The following DIAPH2 variants were observed in gnomAD, a reference collection of about 807,000 sequenced individuals.
DIAPH2 encodes diaphanous related formin 2, also known as protein diaphanous homolog 2.
A neutral mutation model predicts 92.7 loss-of-function variants in DIAPH2; 35 were observed. That is an observed-to-expected ratio of 0.38 (90% CI 0.29 to 0.50). The LOEUF (loss-of-function observed/expected upper bound fraction) is 0.50. Among genes scored for constraint, DIAPH2 ranks in the 20% least tolerant of loss-of-function variants. DIAPH2 has a pLI of 0.94. For synonymous variants in DIAPH2, 301 were observed against 280.4 expected (o/e 1.07, Z -0.73); for missense variants, 701 against 819.5 (o/e 0.86, Z 1.77).
chrX:97,162,156 C>T (rs1227441621), intron 22 of DIAPH2, among the ~76,000 whole-genome samples: 1 of 110,399 alleles, frequency 9.1e-6, no homozygotes, highest in African/African-American at 3.3e-5. Flanking sequence ...TTTTTTCTCC[C>T]CACTAATTCT....
chrX:97,114,134 T>G (rs2067001479), intron 20 of DIAPH2, among the ~76,000 whole-genome samples: 1 of 112,164 alleles, frequency 8.9e-6, no homozygotes, highest in South Asian at 3.7e-4. Context: ...ATCATCTAAT[T>G]ACTTAACAGC....
At chrX:96,899,069 C>T (rs919978328) in intron 5 of DIAPH2, among the ~76,000 whole-genome samples, 14 of 110,790 alleles carry the variant, frequency 1.3e-4, no homozygotes, top group Middle Eastern at 9.2e-3. Flanking sequence ...GGGCTCTGTT[C>T]TGTTCCGTTG....
At chrX:97,052,642 A>T (rs997958597) in intron 17 of DIAPH2, among the ~76,000 whole-genome samples, 17 of 111,289 alleles carry the variant, frequency 1.5e-4, no homozygotes, top group Admixed American at 1.2e-3. Context: ...TGCCTTTGGG[A>T]ATGAAGATGA....
chrX:96,977,681 GT>G (rs898928389), intron 17 of DIAPH2, among the ~76,000 whole-genome samples: 4 of 109,444 alleles, frequency 3.7e-5, no homozygotes, highest in African/African-American at 1.0e-4. Flanking sequence ...AAGTTAATTA[GT>G]TTTTTTTCTT....
chrX:97,185,517 A>ATATCTATC (rs1555998285), intron 22 of DIAPH2, among the ~76,000 whole-genome samples: 3 of 43,605 alleles, frequency 6.9e-5, no homozygotes, highest in African/African-American at 2.1e-4. Context: ...ATATATATAT[A>ATATCTATC]TATCTCACTT....
At chrX:97,220,528 A>G (rs1791388971) in intron 22 of DIAPH2, among the ~76,000 whole-genome samples, 1 of 111,845 alleles carries the variant, frequency 8.9e-6, no homozygotes, top group South Asian at 3.8e-4. Context: ...CGCAGATTAC[A>G]GTGGAATGAG....
At chrX:97,264,998 A>G (rs762955290) in intron 23 of DIAPH2, among the ~76,000 whole-genome samples, 3 of 111,185 alleles carry the variant, frequency 2.7e-5, no homozygotes, top group African/African-American at 9.8e-5. Context: ...AACAACAACA[A>G]AAAAAAGACT....
At chrX:97,086,903 C>T (rs2066787425) in intron 19 of DIAPH2, among the ~76,000 whole-genome samples, 1 of 110,117 alleles carries the variant, frequency 9.1e-6, no homozygotes, top group African/African-American at 3.3e-5. Flanking sequence ...TGCAGGTGGG[C>T]GAGCGGGTTG....
chrX:97,415,687 A>T (rs1446002943), intron 25 of DIAPH2, among the ~76,000 whole-genome samples: 1 of 91,420 alleles, frequency 1.1e-5, no homozygotes, highest in Non-Finnish European at 2.1e-5. Flanking sequence ...GGAACATCAC[A>T]CATGGGGGCG....
intron 26 of DIAPH2, among the ~76,000 whole-genome samples, chrX:97,498,258 A>G (rs1409933820): frequency 8.9e-6 from 1 of 111,920 alleles, no homozygotes; most frequent in East Asian, 2.8e-4. Flanking sequence ...TCCTTTCTAT[A>G]TCAGGGTATC....
intron 26 of DIAPH2, among the ~76,000 whole-genome samples, chrX:97,506,471 T>TTC (rs1491104537): frequency 1.1e-3 from 81 of 74,543 alleles, no homozygotes; most frequent in African/African-American, 3.5e-3. Context: ...TTTTTTTTTT[T>TTC]CAGATGGTAA....
chrX:96,714,490 C>T (rs1332730342), intron 1 of DIAPH2, among the ~76,000 whole-genome samples: 1 of 110,833 alleles, frequency 9.0e-6, no homozygotes, highest in East Asian at 2.8e-4. Context: ...TCTCGAACTC[C>T]TGACCTCGGG....
At chrX:96,782,552 G>A (rs1354365368) in intron 4 of DIAPH2, among the ~76,000 whole-genome samples, 2 of 111,389 alleles carry the variant, frequency 1.8e-5, no homozygotes, top group Non-Finnish European at 3.8e-5. Flanking sequence ...GCCCGCCTCG[G>A]CCTCCCAAAG....
At chrX:97,174,469 A>G (rs1429234326) in intron 22 of DIAPH2, among the ~76,000 whole-genome samples, 1 of 111,848 alleles carries the variant, frequency 8.9e-6, no homozygotes, top group Non-Finnish European at 1.9e-5. Context: ...TGTGTGCTTT[A>G]TGACTTTATT....
chrX:97,089,090 C>T (rs953115165), intron 19 of DIAPH2, among the ~76,000 whole-genome samples: 8 of 111,680 alleles, frequency 7.2e-5, no homozygotes. Flanking sequence ...AGAGATTTTC[C>T]GTCAGTGATG....
At chrX:97,127,828 G>A (rs1315523593) in intron 21 of DIAPH2, among the ~76,000 whole-genome samples, 1 of 112,117 alleles carries the variant, frequency 8.9e-6, no homozygotes, top group East Asian at 2.8e-4. Context: ...GCAACATGGC[G>A]AAACCCCATC....
chrX:97,027,268 A>G (rs1357689431), intron 17 of DIAPH2, among the ~76,000 whole-genome samples: 3 of 112,373 alleles, frequency 2.7e-5, no homozygotes, highest in African/African-American at 9.7e-5. Flanking sequence ...TATAAGCTGA[A>G]TATCTAATTC....
At chrX:97,510,377 T>G (rs1207188717) in intron 26 of DIAPH2, among the ~76,000 whole-genome samples, 4 of 111,752 alleles carry the variant, frequency 3.6e-5, no homozygotes, top group East Asian at 2.8e-4. Flanking sequence ...TCTTGTAAAT[T>G]TGTTTGAGTT....
intron 25 of DIAPH2, among the ~76,000 whole-genome samples, chrX:97,390,364 C>T (rs2069647133): frequency 9.3e-6 from 1 of 107,950 alleles, no homozygotes; most frequent in South Asian, 4.2e-4. Flanking sequence ...GGAATATAGG[C>T]ACACACCACC....
Sources: gnomAD v4.1 joint callset for allele counts (sites outside exome capture counted in the v4.1 genomes callset) on GRCh38, gnomAD v4.1.1 for gene constraint, MANE v1.5 for transcripts, NCBI Gene and HGNC (gene_info 2026-07-23, HGNC 2026-07-21) for gene names.